Variants in TLN2 observed in about 807,000 individuals in gnomAD.
The protein encoded by TLN2 is talin-2.
TLN2 carries 118 observed loss-of-function variants against 294.7 expected under a neutral mutation model. The observed-to-expected ratio is 0.40, with a 90% CI of 0.34 to 0.47. The LOEUF is 0.47. TLN2 is among the 20% of genes least tolerant of loss of function. The pLI is 0.84. For synonymous variants in TLN2, 1,431 were observed against 1,304.5 expected (o/e 1.10, Z -2.09); for missense variants, 3,083 against 3,282.2 (o/e 0.94, Z 1.48).
At chr15:62,456,291 C>T (rs1180843040) in intron 1 of TLN2, among the ~76,000 whole-genome samples, 1 of 152,182 alleles carries the variant, frequency 6.6e-6, no homozygotes, top group Non-Finnish European at 1.5e-5. Flanking sequence ...CTCCTACTTC[C>T]TAGCAATTTG....
At chr15:62,765,281 C>T (rs540245609) in intron 40 of TLN2, among the ~76,000 whole-genome samples, 9 of 151,874 alleles carry the variant, frequency 5.9e-5, no homozygotes, top group African/African-American at 7.3e-5. Context: ...AAGTTTCTCT[C>T]TGCCTGCTCC....
chr15:62,725,746 A>G (rs2060404409), intron 27 of TLN2, among the ~76,000 whole-genome samples: 1 of 152,214 alleles, frequency 6.6e-6, no homozygotes, highest in African/African-American at 2.4e-5. Context: ...TACAGATGAG[A>G]AACACAGAGG....
chr15:62,553,433 C>T (rs185277769), intron 1 of TLN2, among the ~76,000 whole-genome samples: 12 of 151,822 alleles, frequency 7.9e-5, no homozygotes, highest in Admixed American at 1.3e-4. Flanking sequence ...TGCGGCGAGC[C>T]GAGATCACGC....
intron 25 of TLN2, among the ~76,000 whole-genome samples, chr15:62,721,313 T>C (rs995718716): frequency 1.4e-4 from 21 of 152,184 alleles, no homozygotes; most frequent in Admixed American, 5.2e-4. Flanking sequence ...ATATCTTTTA[T>C]GAGATTGGGG....
intron 45 of TLN2, among the ~76,000 whole-genome samples, chr15:62,787,102 C>T (rs1480910235): frequency 6.6e-6 from 1 of 152,128 alleles, no homozygotes; most frequent in Non-Finnish European, 1.5e-5. Flanking sequence ...CACTATGTTG[C>T]CCAGGCTGGT....
intron 1 of TLN2, among the ~76,000 whole-genome samples, chr15:62,538,431 C>T (rs1346121291): frequency 1.3e-5 from 2 of 152,146 alleles, no homozygotes; most frequent in African/African-American, 4.8e-5. Context: ...AATATAATTA[C>T]CCAAGCCCTC....
At chr15:62,786,352 G>C (rs2064656936) in intron 45 of TLN2, among the ~76,000 whole-genome samples, 1 of 152,130 alleles carries the variant, frequency 6.6e-6, no homozygotes, top group Admixed American at 6.6e-5. Flanking sequence ...ACAATTACAG[G>C]AAAAGTCATA....
At chr15:62,632,858 G>A (rs2050037195) in intron 3 of TLN2, among the ~76,000 whole-genome samples, 1 of 152,170 alleles carries the variant, frequency 6.6e-6, no homozygotes, top group Non-Finnish European at 1.5e-5. Flanking sequence ...TGATGGAGGA[G>A]CGAACTGACA....
At chr15:62,662,822 G>T (rs866067881) in intron 9 of TLN2, among the ~76,000 whole-genome samples, 2 of 108,230 alleles carry the variant, frequency 1.8e-5, no homozygotes, top group East Asian at 2.9e-4. Context: ...GATTGAGAGA[G>T]TTTTTTTTTT....
chr15:62,576,894 G>C (rs2044467275), intron 1 of TLN2, among the ~76,000 whole-genome samples: 1 of 152,240 alleles, frequency 6.6e-6, no homozygotes, highest in East Asian at 1.9e-4. Flanking sequence ...TCATGTAGGC[G>C]AGTGGAGTAG....
rs183108583 is a variant in TLN2 at position 62,808,294 on chromosome 15, T to C, written c.6664-1631T>C. 5.3e-3 allele frequency among the ~76,000 whole-genome samples: 801 copies of C among 152,284 alleles called. 11 individuals are homozygous for C. The highest frequency in any genetic ancestry group is 0.024 in the Middle Eastern group (7 of 294). ...TTATAATTAATGTTATAAAGCTATT[T>C]CTGTGTTGCTATATTGCTGACTTTT... On this transcript the variant is annotated intron_variant, in intron 51 of 58. Transcript: ENST00000636159.
At chr15:62,653,091 C>G (rs1005920226) in intron 6 of TLN2, 71 bp from the exon 7 acceptor site, 6 of 1,316,622 alleles carry the variant, frequency 4.6e-6, no homozygotes, top group Non-Finnish European at 6.1e-6. Context: ...TGGAATATCA[C>G]AGGCCTTAGG....
intron 1 of TLN2, among the ~76,000 whole-genome samples, chr15:62,449,579 G>T (rs1042183131): frequency 6.6e-6 from 1 of 152,102 alleles, no homozygotes; most frequent in Non-Finnish European, 1.5e-5. Context: ...CAGCACTTTG[G>T]GAGGCCGAGA....
chr15:62,652,119 A>G lies in TLN2; in HGVS notation c.349A>G (p.Ile117Val). Residue 117 changes from isoleucine (I) to valine (V), a missense_variant, in exon 6 of 59, where the codon ATT (isoleucine) becomes GTT (valine). Coordinates refer to ENST00000636159, the MANE Select transcript of TLN2 (RefSeq NM_015059.3). ...SKTVGELLVT[I>V]CSRIGITNYE... ...GACTGTGGGGGAGCTCCTGGTCACT[A>G]TTTGTAGCAGAATAGGTGAGCATTC... 1.3e-6 allele frequency: 2 copies of G among 1,599,830 alleles called. No individual in the cohort carries two copies. The highest frequency in any genetic ancestry group is 1.1e-5 in the South Asian group (1 of 88,082).
At chr15:62,777,835 T>A (rs769727028) in intron 43 of TLN2, among the ~76,000 whole-genome samples, 1 of 152,212 alleles carries the variant, frequency 6.6e-6, no homozygotes, top group Non-Finnish European at 1.5e-5. Flanking sequence ...TAGGGTGACA[T>A]GACTGGAGAC....
At chr15:62,729,356 G>C (rs996855240) in intron 28 of TLN2, among the ~76,000 whole-genome samples, 4 of 152,092 alleles carry the variant, frequency 2.6e-5, no homozygotes, top group Non-Finnish European at 5.9e-5. Context: ...TTCTAAATCA[G>C]CTTGTCAATT....
chr15:62,766,152 T>A (rs1022679325), intron 40 of TLN2, among the ~76,000 whole-genome samples, 169 bp from the exon 41 acceptor site: 7 of 151,954 alleles, frequency 4.6e-5, no homozygotes, highest in African/African-American at 1.7e-4. Context: ...TCGGGAGGAG[T>A]CATCACTGAG....
chr15:62,457,771 G>A (rs1404177598), intron 1 of TLN2, among the ~76,000 whole-genome samples: 4 of 152,220 alleles, frequency 2.6e-5, no homozygotes, highest in African/African-American at 9.6e-5. Context: ...GTTGGCAGGC[G>A]AGGGAGTCTT....
rs189911120 is a variant in TLN2 at position 62,740,853 on chromosome 15, T to A, written c.4025+84T>A. On this transcript the variant is annotated intron_variant, in intron 32 of 58. Coordinates refer to ENST00000636159, the MANE Select transcript of TLN2 (RefSeq NM_015059.3). ...AGATGTGCCTGACATCCTCCCACTTTTGCTGAGCAAAAGAATTGGTGCTGT... is the reference window on the plus strand; with the variant it reads ...AGATGTGCCTGACATCCTCCCACTTATGCTGAGCAAAAGAATTGGTGCTGT... 20 of 1,568,954 alleles carry A rather than the reference T, an allele frequency of 1.3e-5. No homozygotes were observed. The East Asian group carries it at 1.6e-4, about 12-fold the overall frequency.
Sources: gnomAD v4.1 joint callset for allele counts (sites outside exome capture counted in the v4.1 genomes callset) on GRCh38, gnomAD v4.1.1 for gene constraint, MANE v1.5 for transcripts, NCBI Gene and HGNC (gene_info 2026-07-23, HGNC 2026-07-21) for gene names.